HHAT: variants seen among roughly 807,000 people sequenced by gnomAD.
HHAT encodes the protein hedgehog acyltransferase.
In HHAT, 47 loss-of-function variants were observed where a neutral mutation model predicts 70.8. That is an observed-to-expected ratio of 0.66 (90% CI 0.53 to 0.85). The LOEUF (loss-of-function observed/expected upper bound fraction) is 0.85. Among genes scored for constraint, HHAT ranks in the 40% least tolerant of loss-of-function variants. HHAT has a pLI of 0.00. For missense variants in HHAT, 609 were observed against 604.8 expected, an observed-to-expected ratio of 1.01 and a Z score of -0.07; for synonymous variants, 228 against 247.6, an observed-to-expected ratio of 0.92 and a Z score of 0.74.
intron 7 of HHAT, among the ~76,000 whole-genome samples, chr1:210,424,226 C>T (rs763675426): frequency 2.6e-5 from 4 of 152,028 alleles, no homozygotes; most frequent in East Asian, 3.9e-4. Flanking sequence ...CTTTCGTCAG[C>T]GTTTTGCAGT....
chr1:210,493,707 G>A (rs1211007193), intron 8 of HHAT, among the ~76,000 whole-genome samples: 2 of 152,120 alleles, frequency 1.3e-5, no homozygotes, highest in African/African-American at 4.8e-5. Flanking sequence ...GACTGGGTGC[G>A]GAGGTTGCCA....
intron 8 of HHAT, among the ~76,000 whole-genome samples, chr1:210,505,177 G>A (rs1001106825): frequency 2.4e-4 from 36 of 152,150 alleles, no homozygotes; most frequent in African/African-American, 8.2e-4. Context: ...GGGATTACAG[G>A]CATGAACCAC....
At chr1:210,333,320 A>C (rs1350618243) in intron 1 of HHAT, among the ~76,000 whole-genome samples, 1 of 152,168 alleles carries the variant, frequency 6.6e-6, no homozygotes, top group East Asian at 1.9e-4. Context: ...ACTACTTGGG[A>C]GGCTGAGGAG....
At chr1:210,604,555 G>A (rs779967249) in intron 10 of HHAT, among the ~76,000 whole-genome samples, 1 of 152,074 alleles carries the variant, frequency 6.6e-6, no homozygotes, top group African/African-American at 2.4e-5. Context: ...CTTACTGGTG[G>A]TATTATTTGT....
intron 7 of HHAT, among the ~76,000 whole-genome samples, chr1:210,458,440 A>G (rs1238815554): frequency 3.9e-5 from 6 of 152,224 alleles, no homozygotes; most frequent in Non-Finnish European, 8.8e-5. Flanking sequence ...TAACTAGACT[A>G]TACAGAAAGC....
intron 3 of HHAT, among the ~76,000 whole-genome samples, chr1:210,378,399 T>G (rs2090390351): frequency 1.3e-5 from 2 of 152,226 alleles, no homozygotes; most frequent in African/African-American, 4.8e-5. Flanking sequence ...TTCTGTAGTA[T>G]TTTATTTTTA....
intron 5 of HHAT, 88 bp from the exon 6 acceptor site, chr1:210,404,376 G>A (rs974118467): frequency 2.1e-6 from 2 of 963,638 alleles, no homozygotes; most frequent in Non-Finnish European, 1.6e-6. Flanking sequence ...CTCAGATGAC[G>A]GTGGCCCTGC....
rs2092014329 is a variant in HHAT, at chr1:210,400,560, C to A, written c.366C>A (p.Thr122=). 1 of 1,613,972 alleles carries A rather than the reference C, an allele frequency of 6.2e-7. No individual in the cohort carries two copies. The highest frequency in any genetic ancestry group is 8.5e-7 in the Non-Finnish European group (1 of 1,180,022). Residue 122 remains threonine, a synonymous_variant, in exon 5 of 12, where the codon ACC becomes ACA. Coordinates refer to ENST00000261458, the MANE Select transcript of HHAT (RefSeq NM_018194.6). The stretch of plus-strand genomic sequence containing the variant: ...TGGCTATGGTTTTGCTCCATACCAC[C>A]ATCTCTTTCTGCGTGGCCCAGTTCC... ...PGVAMVLLHT[T]ISFCVAQFRS...
chr1:210,592,940 T>TA, intron 10 of HHAT, among the ~76,000 whole-genome samples: 1 of 152,162 alleles, frequency 6.6e-6, no homozygotes, highest in Non-Finnish European at 1.5e-5. Flanking sequence ...GCAGGTTTGT[T>TA]ACATATGTAT....
intron 9 of HHAT, among the ~76,000 whole-genome samples, chr1:210,555,766 C>A (rs1242501528): frequency 1.3e-5 from 2 of 152,094 alleles, no homozygotes; most frequent in African/African-American, 4.8e-5. Context: ...CCCATCAAAC[C>A]CTCTTAGAAG....
chr1:210,663,596 A>C (rs888445746), intron 11 of HHAT, among the ~76,000 whole-genome samples: 4 of 152,196 alleles, frequency 2.6e-5, no homozygotes, highest in African/African-American at 9.6e-5. Context: ...AGCCACATGT[A>C]ATGCTCAGTA....
intron 9 of HHAT, among the ~76,000 whole-genome samples, chr1:210,578,296 C>T (rs114396405): frequency 0.022 from 3,347 of 152,092 alleles, 78 homozygotes; most frequent in Middle Eastern, 0.095. Flanking sequence ...TGAGATATCA[C>T]TTCATATGTG....
At chr1:210,350,456 G>A (rs556262236) in intron 2 of HHAT, among the ~76,000 whole-genome samples, 2 of 152,134 alleles carry the variant, frequency 1.3e-5, no homozygotes, top group Non-Finnish European at 2.9e-5. Context: ...TTTCATGAGA[G>A]TTTTATTGTT....
At chr1:210,434,452 C>G (rs148228829) in intron 7 of HHAT, among the ~76,000 whole-genome samples, 1 of 151,798 alleles carries the variant, frequency 6.6e-6, no homozygotes, top group Non-Finnish European at 1.5e-5. Flanking sequence ...CTTTCCATGT[C>G]GGCCGAGTTC....
chr1:210,664,464 G>A (rs1031407051), intron 11 of HHAT, among the ~76,000 whole-genome samples: 1 of 152,242 alleles, frequency 6.6e-6, no homozygotes, highest in Non-Finnish European at 1.5e-5. Context: ...TTGTGAAGCT[G>A]GTGGGATGGT....
chr1:210,511,185 G>A (rs529972015), intron 8 of HHAT, among the ~76,000 whole-genome samples: 3 of 152,290 alleles, frequency 2.0e-5, no homozygotes, highest in South Asian at 4.1e-4. Flanking sequence ...CCAGGTCAAT[G>A]TAAAATCAAA....
chr1:210,372,529 T>C (rs1007189422), intron 3 of HHAT, among the ~76,000 whole-genome samples: 2 of 152,142 alleles, frequency 1.3e-5, no homozygotes, highest in Non-Finnish European at 2.9e-5. Context: ...CAAACATTCA[T>C]TAGGTAGGGA....
intron 7 of HHAT, among the ~76,000 whole-genome samples, chr1:210,438,766 G>A (rs1276958722): frequency 1.3e-5 from 2 of 151,924 alleles, no homozygotes; most frequent in African/African-American, 4.9e-5. Context: ...TAACCGTAGT[G>A]GAAATGATAG....
At chr1:210,668,472 T>C (rs1679389244) in intron 11 of HHAT, among the ~76,000 whole-genome samples, 1 of 152,346 alleles carries the variant, frequency 6.6e-6, no homozygotes, top group Non-Finnish European at 1.5e-5. Flanking sequence ...TCATGAGAAC[T>C]GATGGTTTTA....
Sources: allele counts gnomAD v4.1 joint callset (sites outside exome capture counted in the v4.1 genomes callset), GRCh38; gene constraint gnomAD v4.1.1; transcripts MANE v1.5; gene names NCBI Gene and HGNC (gene_info 2026-07-23, HGNC 2026-07-21).